RBM6: variants seen among roughly 807,000 people sequenced by gnomAD.
RBM6 encodes the protein RNA-binding protein 6.
Under a neutral mutation model 140.4 loss-of-function variants are expected in RBM6, and 23 were observed. That is an observed-to-expected ratio of 0.16 (90% confidence interval 0.12 to 0.23). The LOEUF (loss-of-function observed/expected upper bound fraction) is 0.23. Among genes scored for constraint, RBM6 ranks in the 10% least tolerant of loss-of-function variants. RBM6 has a pLI of 1.00. For missense variants in RBM6, 1,139 were observed against 1,386.7 expected (o/e 0.82, Z 2.84); for synonymous variants, 439 against 475.6 (o/e 0.92, Z 1.00).
chr3:49,951,085 A>G (rs1355966058), intron 1 of RBM6, among the ~76,000 whole-genome samples: 1 of 152,204 alleles, frequency 6.6e-6, no homozygotes, highest in East Asian at 1.9e-4. Context: ...GCTAAGTGAA[A>G]TAAGCCAGTC....
At chr3:49,946,605 G>T (rs142818743) in intron 1 of RBM6, among the ~76,000 whole-genome samples, 1 of 151,776 alleles carries the variant, frequency 6.6e-6, no homozygotes. Flanking sequence ...GCATGATCTC[G>T]GCTCACTGCA....
At chr3:49,974,373 A>AT (rs762062224) in intron 4 of RBM6, among the ~76,000 whole-genome samples, 2,001 of 139,644 alleles carry the variant, frequency 0.014, 54 homozygotes, top group African/African-American at 0.045. Flanking sequence ...CTCCTGGCTA[A>AT]TTTTTTTTTT....
At chr3:50,040,914 G>C (rs2088882359) in intron 6 of RBM6, among the ~76,000 whole-genome samples, 1 of 152,066 alleles carries the variant, frequency 6.6e-6, no homozygotes, top group African/African-American at 2.4e-5. Flanking sequence ...CCAAATGCTG[G>C]GGTTACAGGC....
At chr3:49,947,670 A>G (rs1362210172) in intron 1 of RBM6, among the ~76,000 whole-genome samples, 1 of 152,144 alleles carries the variant, frequency 6.6e-6, no homozygotes, top group African/African-American at 2.4e-5. Flanking sequence ...GAAAGTCATG[A>G]AATTTTTCCC....
chr3:49,961,946 A>G (rs977799820), intron 1 of RBM6, among the ~76,000 whole-genome samples: 1 of 150,828 alleles, frequency 6.6e-6, no homozygotes. Context: ...GCTTGAGCTC[A>G]GGAGTTTGAG....
At chr3:49,955,007 C>T (rs1466723826) in intron 1 of RBM6, among the ~76,000 whole-genome samples, 3 of 152,060 alleles carry the variant, frequency 2.0e-5, no homozygotes, top group Non-Finnish European at 4.4e-5. Flanking sequence ...GATCCGCCTG[C>T]CTAGGCCTCC....
At chr3:49,981,248 G>A (rs541661373) in intron 5 of RBM6, among the ~76,000 whole-genome samples, 35 of 152,226 alleles carry the variant, frequency 2.3e-4, no homozygotes, top group African/African-American at 8.2e-4. Flanking sequence ...GCTGAAGACT[G>A]CAATCAACAG....
At chr3:50,026,089 T>A (rs1378455941) in intron 6 of RBM6, among the ~76,000 whole-genome samples, 1 of 151,866 alleles carries the variant, frequency 6.6e-6, no homozygotes, top group Non-Finnish European at 1.5e-5. Context: ...GTCTCTTTTT[T>A]TTTTTCTTTT....
intron 2 of RBM6, among the ~76,000 whole-genome samples, chr3:49,964,773 G>A (rs1334404078): frequency 6.6e-6 from 1 of 152,122 alleles, no homozygotes; most frequent in African/African-American, 2.4e-5. Flanking sequence ...AATTAACGTG[G>A]TTTAGGTAAG....
At chr3:49,953,405 A>G (rs2083828952) in intron 1 of RBM6, among the ~76,000 whole-genome samples, 1 of 151,608 alleles carries the variant, frequency 6.6e-6, no homozygotes, top group South Asian at 2.1e-4. Context: ...TTCTGAGTAG[A>G]GACGGGATTT....
chr3:50,044,982 G>A (rs1479482739), intron 6 of RBM6, among the ~76,000 whole-genome samples: 1 of 152,142 alleles, frequency 6.6e-6, no homozygotes, highest in Non-Finnish European at 1.5e-5. Flanking sequence ...CTTTAGCAGT[G>A]GTCACTGTCC....
At chr3:49,953,589 C>T (rs1488184891) in intron 1 of RBM6, among the ~76,000 whole-genome samples, 6 of 150,736 alleles carry the variant, frequency 4.0e-5, no homozygotes, top group Non-Finnish European at 3.0e-5. Context: ...ACACAATCTC[C>T]GCTCACTGCA....
At chr3:49,970,318 A>G (rs921965171) in intron 3 of RBM6, among the ~76,000 whole-genome samples, 1 of 152,138 alleles carries the variant, frequency 6.6e-6, no homozygotes, top group Non-Finnish European at 1.5e-5. Context: ...GGGTTCAAGC[A>G]GTCCCCCCAC....
chr3:50,010,719 A>G (rs2086801458), intron 6 of RBM6, among the ~76,000 whole-genome samples: 1 of 151,764 alleles, frequency 6.6e-6, no homozygotes, highest in African/African-American at 2.4e-5. Flanking sequence ...CCTGGCCAAC[A>G]TGATGAAACC....
At position 49,967,943 on chromosome 3, in the gene RBM6, C is replaced by T. The variant is rs1304062677; in HGVS notation, c.518C>T (p.Ser173Phe). 6.2e-7 allele frequency: 1 copy of T among 1,614,178 alleles called. No homozygotes were observed. Among genetic ancestry groups the T allele is most frequent in the Non-Finnish European group, 8.5e-7 (1 of 1,180,034 alleles). The part of the protein sequence containing the change: ...VDFRGRDAPP[S>F]DFRGRGTYDL... ...TTCAGAGGTAGGGATGCTCCTCCAT[C>T]TGACTTCAGGGGCCGGGGCACTTAT... The change falls in exon 3 of 21, where the codon TCT becomes TTT. Residue 173 changes from serine (S) to phenylalanine (F), a missense_variant. Coordinates refer to ENST00000266022, the MANE Select transcript of RBM6 (RefSeq NM_005777.3). This position sits in a 1 kb window ranked among gnomAD's most constrained non-coding sequence, Gnocchi z 4.0.
At chr3:49,965,952 C>G (rs2084498439) in intron 2 of RBM6, among the ~76,000 whole-genome samples, 1 of 151,826 alleles carries the variant, frequency 6.6e-6, no homozygotes. Flanking sequence ...ATGGTAAAAC[C>G]CCATCTCTGC....
At chr3:49,945,595 T>TA (rs2083452263) in intron 1 of RBM6, among the ~76,000 whole-genome samples, 1 of 151,800 alleles carries the variant, frequency 6.6e-6, no homozygotes, top group African/African-American at 2.4e-5. Flanking sequence ...GAAGATATCA[T>TA]AAGGGGCTGG....
intron 6 of RBM6, among the ~76,000 whole-genome samples, chr3:50,043,037 G>A (rs2089016478): frequency 6.6e-6 from 1 of 152,180 alleles, no homozygotes; most frequent in African/African-American, 2.4e-5. Flanking sequence ...TTCATATTAA[G>A]ATTTCTTGAA....
chr3:50,076,008 G>A (rs1363349525), intron 20 of RBM6, among the ~76,000 whole-genome samples: 1 of 148,902 alleles, frequency 6.7e-6, no homozygotes, highest in East Asian at 2.0e-4. Flanking sequence ...TTGCTCTGTC[G>A]CCCAGGCTGG....
Sources: allele counts gnomAD v4.1 joint callset (sites outside exome capture counted in the v4.1 genomes callset), GRCh38; gene constraint gnomAD v4.1.1; non-coding constraint Gnocchi (gnomAD v3.1); transcripts MANE v1.5; gene names NCBI Gene and HGNC (gene_info 2026-07-23, HGNC 2026-07-21).